SPHKAP: variants seen among roughly 807,000 people sequenced by gnomAD.
SPHKAP encodes the protein A-kinase anchor protein SPHKAP.
In SPHKAP, 67 loss-of-function variants were observed where a neutral mutation model predicts 137.5. The ratio of observed to expected loss-of-function variants is 0.49; its 90% CI spans 0.40 to 0.60. SPHKAP has a LOEUF of 0.60. SPHKAP is among the 20% of genes least tolerant of loss of function. The pLI is 0.00. For missense variants in SPHKAP, 2,097 were observed against 2,069.3 expected, an observed-to-expected ratio of 1.01 and a Z score of -0.26; for synonymous variants, 813 against 785.3, an observed-to-expected ratio of 1.04 and a Z score of -0.59.
At chr2:228,015,725 T>C (rs1694556964) in intron 7 of SPHKAP, among the ~76,000 whole-genome samples, 1 of 152,192 alleles carries the variant, frequency 6.6e-6, no homozygotes, top group Admixed American at 6.5e-5. Context: ...CTGCTAGAAT[T>C]ATACCAGGCA....
At chr2:228,148,478 G>T (rs976682337) in intron 1 of SPHKAP, among the ~76,000 whole-genome samples, 1 of 152,190 alleles carries the variant, frequency 6.6e-6, no homozygotes, top group Non-Finnish European at 1.5e-5. Context: ...AAGAGGGAAG[G>T]TGTGCAGCAC....
intron 3 of SPHKAP, among the ~76,000 whole-genome samples, chr2:228,070,262 T>A (rs533846738): frequency 4.6e-5 from 7 of 152,138 alleles, no homozygotes; most frequent in Non-Finnish European, 7.3e-5. Context: ...GCTAGAGACA[T>A]AATTGTCATC....
intron 1 of SPHKAP, among the ~76,000 whole-genome samples, chr2:228,171,001 C>T (rs10179300): frequency 0.13 from 20,493 of 152,026 alleles, 1,391 homozygotes; most frequent in East Asian, 0.2. Flanking sequence ...TTCTACACTG[C>T]TGTTATAATT....
At chr2:228,148,738 G>A (rs1156300052) in intron 1 of SPHKAP, among the ~76,000 whole-genome samples, 2 of 152,098 alleles carry the variant, frequency 1.3e-5, no homozygotes, top group African/African-American at 2.4e-5. Flanking sequence ...CATGGCTGAC[G>A]GAGAGGACCA....
intron 3 of SPHKAP, among the ~76,000 whole-genome samples, chr2:228,048,735 T>C (rs1346099270): frequency 6.6e-6 from 1 of 152,168 alleles, no homozygotes; most frequent in African/African-American, 2.4e-5. Flanking sequence ...AGGTGTGTAG[T>C]AGGCTATGAG....
chr2:228,001,476 A>T (rs1320035372), intron 7 of SPHKAP, among the ~76,000 whole-genome samples: 4 of 143,742 alleles, frequency 2.8e-5, no homozygotes, highest in African/African-American at 1.0e-4. Flanking sequence ...TATATATAAA[A>T]ATATATATAC....
intron 11 of SPHKAP, 189 bp from the exon 12 acceptor site, chr2:227,982,049 G>A (rs2251378): frequency 0.45 from 431,107 of 955,388 alleles, 82,393 homozygotes; most frequent in East Asian, 0.66. Flanking sequence ...TTCATCAAGT[G>A]AATTTTTTTT....
chr2:227,982,317 C>G, intron 11 of SPHKAP: 1 of 985,308 alleles, frequency 1.0e-6, no homozygotes, highest in Non-Finnish European at 1.2e-6. Context: ...GCAGGACCAC[C>G]TATTGATTCT....
intron 1 of SPHKAP, among the ~76,000 whole-genome samples, chr2:228,176,701 G>A (rs1223641150): frequency 2.6e-5 from 4 of 152,106 alleles, no homozygotes; most frequent in African/African-American, 9.7e-5. Context: ...GTGAAATCCC[G>A]TCTCTACTAA....
chr2:228,126,213 A>G (rs1050361050), intron 2 of SPHKAP, among the ~76,000 whole-genome samples: 1 of 152,182 alleles, frequency 6.6e-6, no homozygotes, highest in African/African-American at 2.4e-5. Flanking sequence ...TTTTCTTATA[A>G]TATTTTGTAA....
chr2:228,030,543 C>CAA (rs1553615001), intron 3 of SPHKAP, among the ~76,000 whole-genome samples: 123 of 78,422 alleles, frequency 1.6e-3, no homozygotes, highest in South Asian at 2.6e-3. Context: ...CAACAAAAAA[C>CAA]AAAAAAAAAA....
intron 3 of SPHKAP, among the ~76,000 whole-genome samples, chr2:228,081,489 G>A (rs760405776): frequency 3.3e-5 from 5 of 152,128 alleles, no homozygotes; most frequent in Non-Finnish European, 5.9e-5. Context: ...AGAGATACCT[G>A]CAATTCCATG....
intron 7 of SPHKAP, among the ~76,000 whole-genome samples, chr2:227,996,630 T>G (rs1693649942): frequency 6.6e-6 from 1 of 152,230 alleles, no homozygotes. Flanking sequence ...GCGGGTCTTC[T>G]GCATATCTCA....
At chr2:228,068,567 A>C (rs1185863974) in intron 3 of SPHKAP, among the ~76,000 whole-genome samples, 1 of 152,216 alleles carries the variant, frequency 6.6e-6, no homozygotes, top group Non-Finnish European at 1.5e-5. Context: ...GTTTTCAACA[A>C]AGGTGCCAAG....
At chr2:228,127,671 CTTGCCGATGTCTA>C (rs1699118561) in intron 2 of SPHKAP, among the ~76,000 whole-genome samples, 1 of 152,174 alleles carries the variant, frequency 6.6e-6, no homozygotes, top group African/African-American at 2.4e-5. Flanking sequence ...TTCTGCTGAA[CTTGCCGATGTCTA>C]TTGCAGATCC....
intron 3 of SPHKAP, among the ~76,000 whole-genome samples, chr2:228,073,566 A>G (rs1457998293): frequency 6.6e-6 from 1 of 152,224 alleles, no homozygotes; most frequent in Non-Finnish European, 1.5e-5. Context: ...AAGGGCTAAA[A>G]GACTATAACA....
intron 3 of SPHKAP, among the ~76,000 whole-genome samples, chr2:228,086,198 A>G (rs1041434405): frequency 6.6e-6 from 1 of 152,204 alleles, no homozygotes; most frequent in African/African-American, 2.4e-5. Flanking sequence ...AAGTATTATA[A>G]TTATCTAGAA....
chr2:228,062,317 G>A (rs1271589960), intron 3 of SPHKAP, among the ~76,000 whole-genome samples: 1 of 151,976 alleles, frequency 6.6e-6, no homozygotes, highest in Non-Finnish European at 1.5e-5. Context: ...TACAGACAGT[G>A]TTTCACCATG....
intron 2 of SPHKAP, among the ~76,000 whole-genome samples, chr2:228,129,735 A>AAT (rs926727087): frequency 9.9e-5 from 15 of 151,162 alleles, no homozygotes; most frequent in Middle Eastern, 3.4e-3. Context: ...TACACACACA[A>AAT]ATATATATAT....
Sources: allele counts gnomAD v4.1 joint callset (sites outside exome capture counted in the v4.1 genomes callset), GRCh38; gene constraint gnomAD v4.1.1; transcripts MANE v1.5; gene names NCBI Gene and HGNC (gene_info 2026-07-23, HGNC 2026-07-21).